Variants in GK5 observed in about 807,000 individuals in gnomAD.
GK5 encodes the protein ATP:glycerol 3-phosphotransferase 5.
A neutral mutation model predicts 77.3 loss-of-function variants in GK5; 39 were observed. The ratio of observed to expected loss-of-function variants is 0.50; its 90% CI spans 0.39 to 0.66. The LOEUF is 0.66. Ranked by LOEUF, GK5 falls within the 30% of genes least tolerant of loss-of-function variation. GK5 has a pLI of 0.00. For synonymous variants in GK5, 211 were observed against 208.0 expected, an observed-to-expected ratio of 1.01 and a Z score of -0.13; for missense variants, 487 against 633.8, an observed-to-expected ratio of 0.77 and a Z score of 2.49.
At chr3:142,168,011 C>CAAACAAAACA (rs10701583) in intron 15 of GK5, among the ~76,000 whole-genome samples, 37 of 151,666 alleles carry the variant, frequency 2.4e-4, no homozygotes, top group African/African-American at 9.0e-4. Context: ...GACTCCATCT[C>CAAACAAAACA]AAACAAAACA....
chr3:142,215,741 T>C (rs778591821), intron 1 of GK5, 49 bp from the exon 2 acceptor site: 9 of 858,430 alleles, frequency 1.0e-5, no homozygotes, highest in South Asian at 7.5e-5. Flanking sequence ...ATCAAGTCAA[T>C]AGTATGGGTC....
At position 142,225,547 on chromosome 3, in the gene GK5, G is replaced by A. The variant is rs1482526119; in HGVS notation, c.-92C>T. 20 of 1,472,344 alleles carry A rather than the reference G, an allele frequency of 1.4e-5. No homozygotes were observed. The highest frequency in any genetic ancestry group is 5.4e-5 in the East Asian group (2 of 37,380). The allele number at this position is 1,472,344 out of a possible 1,614,324, so 91.2% of individuals were successfully genotyped here. A position where few individuals can be genotyped will look rare whatever the true frequency, so the allele number is the denominator to read the frequency against. ...CAGAGTCCCCGGGCGGCCCAACCCG[G>A]GCCCCAACCCGGCTCAGCCGGAGAG... On this transcript the variant is annotated 5_prime_UTR_variant, in exon 1 of 16. Coordinates refer to ENST00000392993, the MANE Select transcript of GK5 (RefSeq NM_001039547.3).
chr3:142,167,961 G>A (rs967855780), intron 15 of GK5, among the ~76,000 whole-genome samples: 1 of 152,192 alleles, frequency 6.6e-6, no homozygotes, highest in Non-Finnish European at 1.5e-5. Context: ...TCAGTGAGCT[G>A]AGATTGCGCC....
intron 1 of GK5, among the ~76,000 whole-genome samples, chr3:142,216,392 C>T (rs1033775264): frequency 6.6e-6 from 1 of 152,016 alleles, no homozygotes; most frequent in Non-Finnish European, 1.5e-5. Context: ...TACTTTTATA[C>T]CCACAAAATC....
intron 5 of GK5, among the ~76,000 whole-genome samples, chr3:142,187,996 A>G (rs566784549): frequency 1.1e-4 from 16 of 152,152 alleles, no homozygotes; most frequent in African/African-American, 3.9e-4. Context: ...TTTCTGTATA[A>G]TATTTCTGAA....
chr3:142,159,498 G>A lies in GK5; in HGVS notation c.*6124C>T, dbSNP rs2063408202. Reference sequence around the variant, plus strand: ...TCTGATTTTGCAAGCACCTGTTTCTGTCCTTCCCACTCCAAGATCATTCCT... The same window carrying A: ...TCTGATTTTGCAAGCACCTGTTTCTATCCTTCCCACTCCAAGATCATTCCT... On this transcript the variant is annotated 3_prime_UTR_variant, in exon 16 of 16. Transcript: ENST00000392993. The A allele has an allele frequency of 6.6e-6, 1 of 152,050 alleles. No individual in the cohort carries two copies. Among genetic ancestry groups the A allele is most frequent in the South Asian group, 2.1e-4 (1 of 4,814 alleles). 9.4% of individuals were successfully genotyped at this position (152,050 alleles called of 1,614,324 possible). A position where few individuals can be genotyped will look rare whatever the true frequency, so the allele number is the denominator to read the frequency against.
chr3:142,187,629 CT>C, intron 6 of GK5, 74 bp downstream of exon 6: 1 of 973,884 alleles, frequency 1.0e-6, no homozygotes, highest in Non-Finnish European at 1.5e-6. Flanking sequence ...AAAGTAACTT[CT>C]ACTTTTTTTA....
intron 9 of GK5, chr3:142,185,232 C>A (rs183582423): frequency 7.6e-4 from 375 of 495,466 alleles, no homozygotes; most frequent in Admixed American, 1.3e-3. Context: ...GGGAACACAG[C>A]AAAATCCTAT....
At chr3:142,180,965 G>T (rs140120711) in intron 11 of GK5, among the ~76,000 whole-genome samples, 40 of 152,246 alleles carry the variant, frequency 2.6e-4, no homozygotes, top group African/African-American at 9.4e-4. Flanking sequence ...CTGACCACTG[G>T]GTGGCACAAA....
rs2063994021 is a variant in GK5, at chr3:142,200,021, A to T, written c.412-1088T>A. On this transcript the variant is annotated intron_variant, in intron 4 of 15. Transcript: ENST00000392993. The stretch of plus-strand genomic sequence containing the variant: ...ATCAATTAATAAAATTTGTAGACTC[A>T]GTTCTTTCAGTCTAGTCCTTTTAAC... 2.0e-5 allele frequency among the ~76,000 whole-genome samples: 3 copies of T among 151,896 alleles called. No individual in the cohort carries two copies. In the South Asian group the frequency reaches 6.2e-4, roughly 32 times the overall value.
intron 5 of GK5, among the ~76,000 whole-genome samples, chr3:142,191,366 C>A (rs557565859): frequency 6.6e-6 from 1 of 151,584 alleles, no homozygotes; most frequent in South Asian, 2.1e-4. Context: ...AAAATAGCTA[C>A]AAAAGATATC....
chr3:142,207,218 G>A (rs1288033384), intron 3 of GK5, among the ~76,000 whole-genome samples: 1 of 152,148 alleles, frequency 6.6e-6, no homozygotes, highest in African/African-American at 2.4e-5. Flanking sequence ...GCCTATAAAC[G>A]GACGCATGAG....
Position 142,162,440 on chromosome 3 carries a change from G to C in GK5, c.*3182C>G, listed in dbSNP as rs2063432576. ...GCATCCCAAAATAAAGATTTATCCA[G>C]TCCAAAATGTCAATGCTGAGATTAG... On this transcript the variant is annotated 3_prime_UTR_variant, in exon 16 of 16. Coordinates refer to ENST00000392993, the MANE Select transcript of GK5 (RefSeq NM_001039547.3). 1.3e-5 allele frequency: 2 copies of C among 152,140 alleles called. No homozygotes were observed. The highest frequency in any genetic ancestry group is 2.9e-5 in the Non-Finnish European group (2 of 68,026). 9.4% of individuals were successfully genotyped at this position (152,140 alleles called of 1,614,324 possible).
At chr3:142,183,103 TTA>T in intron 9 of GK5, 54 bp from the exon 10 acceptor site, 1 of 1,512,804 alleles carries the variant, frequency 6.6e-7, no homozygotes, top group Non-Finnish European at 9.1e-7. Flanking sequence ...GCCAATTTTA[TTA>T]TAGAGCATTG....
rs199600925 is a variant in GK5, at chr3:142,191,403, T to TA, written c.544-3625dup. Among the ~76,000 whole-genome samples the TA allele has an allele frequency of 4.7e-3, 709 of 150,394 alleles. 6 individuals are homozygous for TA. The highest frequency in any genetic ancestry group is 0.016 in the African/African-American group (667 of 41,098). The stretch of plus-strand genomic sequence containing the variant: ...ATTGCCTAACAATAAGTCTACACAT[T>TA]AAAAAAAAACTTTAAGTGGGGCTAG... On this transcript the variant is annotated intron_variant, in intron 5 of 15. Coordinates refer to ENST00000392993, the MANE Select transcript of GK5 (RefSeq NM_001039547.3).
At chr3:142,188,526 A>AAAAAC (rs1487633244) in intron 5 of GK5, among the ~76,000 whole-genome samples, 1 of 152,372 alleles carries the variant, frequency 6.6e-6, no homozygotes, top group South Asian at 2.1e-4. Context: ...ACTCCGTCTC[A>AAAAAC]AAAACAAAAC....
intron 14 of GK5, 119 bp from the exon 15 acceptor site, chr3:142,170,577 C>A: frequency 1.2e-6 from 1 of 821,752 alleles, no homozygotes; most frequent in Non-Finnish European, 1.9e-6. Flanking sequence ...CTTTTTAATT[C>A]TAAAATTAAA....
In GK5 at chr3:142,170,310, A is replaced by G. The variant is rs2063520717; in HGVS notation, c.1441+15T>C. 6.2e-7 allele frequency: 1 copy of G among 1,613,428 alleles called. No homozygotes were observed. Among genetic ancestry groups the G allele is most frequent in the Non-Finnish European group, 8.5e-7 (1 of 1,179,430 alleles). On this transcript the variant is annotated intron_variant, in intron 15 of 15. Coordinates refer to ENST00000392993, the MANE Select transcript of GK5 (RefSeq NM_001039547.3). Reference sequence around the variant, plus strand: ...TTTGCAAGAAAACTCTCATTCTTATAAATTTCACACATACCAACAGCAAGG... The same window carrying G: ...TTTGCAAGAAAACTCTCATTCTTATGAATTTCACACATACCAACAGCAAGG...
intron 5 of GK5, among the ~76,000 whole-genome samples, chr3:142,194,421 G>A (rs1196966595): frequency 6.6e-6 from 1 of 152,058 alleles, no homozygotes; most frequent in Admixed American, 6.6e-5. Flanking sequence ...AACTACTTGG[G>A]AGGCTGAGGC....
Sources: gnomAD v4.1 joint callset for allele counts (sites outside exome capture counted in the v4.1 genomes callset) on GRCh38, gnomAD v4.1.1 for gene constraint, MANE v1.5 for transcripts, NCBI Gene and HGNC (gene_info 2026-07-23, HGNC 2026-07-21) for gene names.